Variants in TMC1 observed in about 807,000 individuals in gnomAD.
TMC1 encodes transmembrane channel-like protein 1.
In TMC1, 84 loss-of-function variants were observed where a neutral mutation model predicts 105.8. The ratio of observed to expected loss-of-function variants is 0.79; its 90% confidence interval spans 0.67 to 0.95. The LOEUF is 0.95. Ranked by LOEUF, TMC1 falls within the 40% of genes least tolerant of loss-of-function variation. The probability of loss-of-function intolerance (pLI) is 0.00; values close to 1 mark genes in which losing one functional copy is unlikely to be tolerated. For synonymous variants in TMC1, 315 were observed against 311.5 expected, an observed-to-expected ratio of 1.01 and a Z score of -0.12; for missense variants, 817 against 914.1, an observed-to-expected ratio of 0.89 and a Z score of 1.37.
chr9:72,796,150 A>G (rs528680454), intron 17 of TMC1, among the ~76,000 whole-genome samples: 3 of 152,290 alleles, frequency 2.0e-5, no homozygotes, highest in South Asian at 4.1e-4. Context: ...AGACCTAACT[A>G]TCCTAAATAT....
chr9:72,650,181 C>T (rs879228937), intron 5 of TMC1, among the ~76,000 whole-genome samples: 1 of 152,162 alleles, frequency 6.6e-6, no homozygotes, highest in Non-Finnish European at 1.5e-5. Context: ...TGGGTATTCT[C>T]TTCCAAACTT....
chr9:72,551,114 GA>G (rs1275162751), intron 1 of TMC1, among the ~76,000 whole-genome samples: 1 of 152,134 alleles, frequency 6.6e-6, no homozygotes, highest in Non-Finnish European at 1.5e-5. Flanking sequence ...CCTTAAATTG[GA>G]AAAGACAAGA....
At chr9:72,555,395 G>A (rs979762006) in intron 1 of TMC1, among the ~76,000 whole-genome samples, 12 of 151,530 alleles carry the variant, frequency 7.9e-5, no homozygotes, top group African/African-American at 2.9e-4. Context: ...CACTGTGTTA[G>A]CCAGGATGGT....
At chr9:72,560,918 A>G (rs1392588472) in intron 1 of TMC1, among the ~76,000 whole-genome samples, 1 of 152,188 alleles carries the variant, frequency 6.6e-6, no homozygotes. Flanking sequence ...CTGTAGGGGT[A>G]CCTATTAGCT....
At chr9:72,766,285 C>T (rs1458804272) in intron 12 of TMC1, among the ~76,000 whole-genome samples, 5 of 151,662 alleles carry the variant, frequency 3.3e-5, no homozygotes, top group African/African-American at 1.2e-4. Flanking sequence ...GGCGTGGTGG[C>T]GGGTGCCTGT....
At chr9:72,830,050 G>A (rs72733097) in intron 21 of TMC1, among the ~76,000 whole-genome samples, 1 of 152,042 alleles carries the variant, frequency 6.6e-6, no homozygotes, top group South Asian at 2.1e-4. Flanking sequence ...CTTTTTGTTC[G>A]GCATGTTCCC....
chr9:72,806,408 C>A (rs1240566967), intron 18 of TMC1, among the ~76,000 whole-genome samples: 4 of 150,562 alleles, frequency 2.7e-5, no homozygotes, highest in Non-Finnish European at 5.9e-5. Flanking sequence ...GCTGACGCCC[C>A]CACCTCCCTC....
intron 1 of TMC1, among the ~76,000 whole-genome samples, chr9:72,549,262 A>AT (rs1375908763): frequency 2.6e-5 from 4 of 151,808 alleles, no homozygotes; most frequent in East Asian, 1.9e-4. Context: ...TTATTCATTA[A>AT]TTTTTTTGTG....
At chr9:72,557,224 A>C (rs1259167031) in intron 1 of TMC1, among the ~76,000 whole-genome samples, 1 of 152,142 alleles carries the variant, frequency 6.6e-6, no homozygotes, top group Non-Finnish European at 1.5e-5. Flanking sequence ...TACAAACAAT[A>C]GCCGGGCGTG....
chr9:72,773,166 T>C (rs960892980), intron 13 of TMC1, among the ~76,000 whole-genome samples: 2 of 152,188 alleles, frequency 1.3e-5, no homozygotes, highest in African/African-American at 2.4e-5. Flanking sequence ...TAAAATTATT[T>C]ATAATACTCC....
At chr9:72,555,059 A>T (rs993333615) in intron 1 of TMC1, among the ~76,000 whole-genome samples, 17 of 151,862 alleles carry the variant, frequency 1.1e-4, no homozygotes, top group Non-Finnish European at 1.5e-5. Flanking sequence ...TTGTATTTTC[A>T]GTAGAGAAGG....
chr9:72,539,426 C>T (rs1823640143), intron 1 of TMC1, among the ~76,000 whole-genome samples: 2 of 151,984 alleles, frequency 1.3e-5, no homozygotes, highest in African/African-American at 4.8e-5. Context: ...CAAAACAAAA[C>T]AAAATTTCCG....
At chr9:72,574,500 T>A (rs1379069451) in intron 1 of TMC1, among the ~76,000 whole-genome samples, 1 of 152,218 alleles carries the variant, frequency 6.6e-6, no homozygotes, top group East Asian at 1.9e-4. Flanking sequence ...TGATTCAGTT[T>A]CAATAAATGC....
chr9:72,725,300 C>A (rs1209913914), intron 8 of TMC1, among the ~76,000 whole-genome samples: 1 of 130,176 alleles, frequency 7.7e-6, no homozygotes, highest in Non-Finnish European at 1.6e-5. Flanking sequence ...TAGGATACCC[C>A]CACACACACA....
intron 4 of TMC1, among the ~76,000 whole-genome samples, chr9:72,634,459 A>C (rs1022120769): frequency 1.3e-5 from 2 of 152,246 alleles, no homozygotes; most frequent in African/African-American, 4.8e-5. Flanking sequence ...AGTTCTTCTC[A>C]TAAGCCCAAC....
chr9:72,744,668 G>A (rs1196536874), intron 10 of TMC1, among the ~76,000 whole-genome samples: 1 of 152,202 alleles, frequency 6.6e-6, no homozygotes, highest in Admixed American at 6.5e-5. Context: ...TTGTAGGGCT[G>A]AGTCTTGATC....
At chr9:72,542,661 C>T (rs1823698291) in intron 1 of TMC1, among the ~76,000 whole-genome samples, 1 of 151,840 alleles carries the variant, frequency 6.6e-6, no homozygotes, top group African/African-American at 2.4e-5. Context: ...GTCATCTTTA[C>T]TGTTCAGGCC....
intron 2 of TMC1, among the ~76,000 whole-genome samples, chr9:72,580,511 G>A (rs10114921): frequency 0.45 from 68,447 of 152,026 alleles, 17,473 homozygotes; most frequent in African/African-American, 0.7. Context: ...TTAAGATATT[G>A]AAGACACTAA....
At chr9:72,646,665 G>T (rs1217174103) in intron 4 of TMC1, among the ~76,000 whole-genome samples, 1 of 149,680 alleles carries the variant, frequency 6.7e-6, no homozygotes, top group African/African-American at 2.5e-5. Flanking sequence ...ATGGAGTCTC[G>T]CCCCGTCCTG....
Sources: gnomAD v4.1 joint callset for allele counts (sites outside exome capture counted in the v4.1 genomes callset) on GRCh38, gnomAD v4.1.1 for gene constraint, MANE v1.5 for transcripts, NCBI Gene and HGNC (gene_info 2026-07-23, HGNC 2026-07-21) for gene names.